NME7: variants seen among roughly 807,000 people sequenced by gnomAD.
NME7 encodes NME/NM23 family member 7, also known as nucleoside diphosphate kinase 7.
Under a neutral mutation model 49.1 loss-of-function variants are expected in NME7, and 41 were observed. The ratio of observed to expected loss-of-function variants is 0.83; its 90% CI spans 0.65 to 1.08. The LOEUF (loss-of-function observed/expected upper bound fraction) is 1.08, where lower values mean the gene tolerates loss of function less well. NME7 is among the 50% of genes least tolerant of loss of function. NME7 has a pLI of 0.00. For synonymous variants in NME7, 139 were observed against 150.6 expected, an observed-to-expected ratio of 0.92 and a Z score of 0.56; for missense variants, 423 against 463.4, an observed-to-expected ratio of 0.91 and a Z score of 0.80.
chr1:169,237,661 T>G lies in NME7; in HGVS notation c.781A>C (p.Ile261Leu), dbSNP rs768793477. The G allele has an allele frequency of 1.7e-5, 28 of 1,611,338 alleles. No homozygotes were observed. Among genetic ancestry groups the G allele is most frequent in the Non-Finnish European group, 2.4e-5 (28 of 1,178,236 alleles). Residue 261 changes from isoleucine to leucine, a missense_variant, in exon 8 of 12, where the codon ATC becomes CTC. By Grantham distance (5) the Ile-to-Leu change is conservative (BLOSUM62 2). Coordinates refer to ENST00000367811, the MANE Select transcript of NME7 (RefSeq NM_013330.5). ...EGLLGKILMA[I>L]RDAGFEISAM... is the part of the protein sequence containing the mutation. ...GAGATTTCAAAACCTGCATCTCGGA[T>G]AGCCATCAGGATCTTTCCCAACAGT...
chr1:169,316,053 G>A (rs1023311729), intron 3 of NME7, among the ~76,000 whole-genome samples: 14 of 151,878 alleles, frequency 9.2e-5, no homozygotes, highest in Non-Finnish European at 1.9e-4. Flanking sequence ...AAAAAGAAAC[G>A]GGTAGTTTAC....
intron 3 of NME7, chr1:169,322,628 C>G (rs1651894850): frequency 6.6e-6 from 1 of 150,700 alleles, no homozygotes; most frequent in South Asian, 2.1e-4. Flanking sequence ...TTACAACACT[C>G]ACATTGTCAT....
At chr1:169,150,127 G>A (rs1046756011) in intron 11 of NME7, among the ~76,000 whole-genome samples, 5 of 152,128 alleles carry the variant, frequency 3.3e-5, no homozygotes, top group Non-Finnish European at 7.4e-5. Context: ...AGCTATGATT[G>A]CACCACTGTA....
chr1:169,249,108 A>G (rs1479552505), intron 7 of NME7, among the ~76,000 whole-genome samples: 2 of 152,110 alleles, frequency 1.3e-5, no homozygotes, highest in Non-Finnish European at 2.9e-5. Context: ...GATTATTCCA[A>G]TCCATGAGCA....
chr1:169,181,247 G>A (rs1018741445), intron 10 of NME7, among the ~76,000 whole-genome samples: 4 of 151,342 alleles, frequency 2.6e-5, no homozygotes, highest in African/African-American at 4.9e-5. Context: ...GCCAATGTTC[G>A]TCATTATCCT....
intron 1 of NME7, among the ~76,000 whole-genome samples, chr1:169,364,873 G>A (rs993920642): frequency 6.6e-6 from 1 of 152,134 alleles, no homozygotes; most frequent in Non-Finnish European, 1.5e-5. Flanking sequence ...CCTAAAATCT[G>A]CTAAAATATA....
At chr1:169,244,057 A>G (rs1648205565) in intron 7 of NME7, among the ~76,000 whole-genome samples, 1 of 152,038 alleles carries the variant, frequency 6.6e-6, no homozygotes. Flanking sequence ...AAAAATATAC[A>G]TATGTGTATA....
chr1:169,217,250 G>A (rs1000755691), intron 10 of NME7, among the ~76,000 whole-genome samples: 1 of 152,120 alleles, frequency 6.6e-6, no homozygotes, highest in Admixed American at 6.5e-5. Context: ...CCTAAGCAAT[G>A]TCTGTTGAAA....
In NME7 at chr1:169,298,696, A is replaced by G. The variant is rs1650811108; in HGVS notation, c.508T>C (p.Cys170Arg). The G allele has an allele frequency of 6.2e-7, 1 of 1,613,780 alleles. No individual in the cohort carries two copies. The highest frequency in any genetic ancestry group is 1.1e-5 in the South Asian group (1 of 91,090). Reference protein sequence around the residue: ...AMEILRDDAICEWKRLLGPAN... With the variant: ...AMEILRDDAIREWKRLLGPAN... The stretch of plus-strand genomic sequence containing the variant: ...GGTCCCAGCAGTCTTTTCCATTCAC[A>G]TATAGCATCATCTCTTAAAATCTCC... Residue 170 changes from cysteine (C) to arginine (R), a missense_variant, in exon 6 of 12, where the codon TGT (cysteine) becomes CGT (arginine). Physicochemically the swap from Cys to Arg is radical, Grantham distance 180. Transcript: ENST00000367811.
chr1:169,145,045 G>A (rs946087472), intron 11 of NME7, among the ~76,000 whole-genome samples: 1 of 152,142 alleles, frequency 6.6e-6, no homozygotes, highest in Non-Finnish European at 1.5e-5. Flanking sequence ...ATTGTATAAC[G>A]TTTTATAATT....
intron 10 of NME7, among the ~76,000 whole-genome samples, chr1:169,213,449 A>ATT (rs1447237644): frequency 6.6e-6 from 1 of 152,006 alleles, no homozygotes; most frequent in African/African-American, 2.4e-5. Context: ...GATTTTATCT[A>ATT]TTTTTTTAAA....
At chr1:169,215,029 G>A (rs1269163139) in intron 10 of NME7, among the ~76,000 whole-genome samples, 3 of 152,228 alleles carry the variant, frequency 2.0e-5, no homozygotes, top group African/African-American at 7.2e-5. Context: ...CTTGTCTGGT[G>A]CCCAAGAAGA....
intron 11 of NME7, among the ~76,000 whole-genome samples, chr1:169,166,464 G>T (rs1659415553): frequency 6.6e-6 from 1 of 151,922 alleles, no homozygotes; most frequent in African/African-American, 2.4e-5. Flanking sequence ...AGAAACTTAT[G>T]GTGATAAATT....
chr1:169,295,243 C>T (rs963266013), intron 6 of NME7, among the ~76,000 whole-genome samples: 1 of 152,142 alleles, frequency 6.6e-6, no homozygotes, highest in African/African-American at 2.4e-5. Flanking sequence ...ACAAAATGGA[C>T]TGAGACAGTA....
In NME7 at chr1:169,299,107, A is replaced by G. The variant is rs1356327720; in HGVS notation, c.441-344T>C. On this transcript the variant is annotated intron_variant, in intron 5 of 11. Coordinates refer to ENST00000367811, the MANE Select transcript of NME7 (RefSeq NM_013330.5). ...GTACAGAGGATTTTCCTTTTTATTTACATGTGTTTACCACTGCAGTCAAGT... is the reference window on the plus strand; with the variant it reads ...GTACAGAGGATTTTCCTTTTTATTTGCATGTGTTTACCACTGCAGTCAAGT... 2.0e-5 allele frequency among the ~76,000 whole-genome samples: 3 copies of G among 152,180 alleles called. No individual in the cohort carries two copies. The East Asian group carries it at 5.8e-4, about 29-fold the overall frequency.
chr1:169,260,007 G>A (rs1649112316), intron 7 of NME7, among the ~76,000 whole-genome samples: 3 of 133,328 alleles, frequency 2.3e-5, no homozygotes, highest in African/African-American at 7.6e-5. Flanking sequence ...AACTGCTCTG[G>A]TGAAATAACT....
intron 7 of NME7, among the ~76,000 whole-genome samples, chr1:169,254,030 T>G (rs931044299): frequency 6.6e-6 from 1 of 151,582 alleles, no homozygotes; most frequent in Non-Finnish European, 1.5e-5. Context: ...TTCTCTTTTT[T>G]GGTTGTGTCT....
intron 3 of NME7, 54 bp downstream of exon 3, chr1:169,323,063 G>T: frequency 1.4e-6 from 2 of 1,383,086 alleles, no homozygotes; most frequent in South Asian, 3.7e-5. Flanking sequence ...GATTCAGATT[G>T]ACTTTGAACC....
chr1:169,341,809 A>C (rs185001022), intron 1 of NME7, among the ~76,000 whole-genome samples: 162 of 152,238 alleles, frequency 1.1e-3, no homozygotes, highest in Non-Finnish European at 1.8e-3. Flanking sequence ...CAGGTTTTGG[A>C]CTTGTATAGG....
Sources: gnomAD v4.1 joint callset for allele counts (sites outside exome capture counted in the v4.1 genomes callset) on GRCh38, gnomAD v4.1.1 for gene constraint, MANE v1.5 for transcripts, NCBI Gene and HGNC (gene_info 2026-07-23, HGNC 2026-07-21) for gene names.